The following TTC21A variants were observed in gnomAD, a reference collection of about 807,000 sequenced individuals.
The protein encoded by TTC21A is tetratricopeptide repeat protein 21A.
Under a neutral mutation model 156.4 loss-of-function variants are expected in TTC21A, and 128 were observed. The ratio of observed to expected loss-of-function variants is 0.82; its 90% CI spans 0.71 to 0.95. The LOEUF is 0.95. Ranked by LOEUF, TTC21A falls within the 40% of genes least tolerant of loss-of-function variation. The pLI, the probability that TTC21A is intolerant of heterozygous loss-of-function variation, is 0.00. For missense variants in TTC21A, 1,435 were observed against 1,602.3 expected (o/e 0.90, Z 1.78); for synonymous variants, 587 against 617.1 (o/e 0.95, Z 0.72).
intron 8 of TTC21A, 43 bp from the exon 9 acceptor site, chr3:39,120,954 G>A (rs763683558): frequency 2.6e-6 from 4 of 1,547,920 alleles, no homozygotes; most frequent in Admixed American, 3.6e-5. Flanking sequence ...CATACAGGCT[G>A]GACTGACTGG....
chr3:39,118,193 G>T, intron 7 of TTC21A, 40 bp downstream of exon 7: 2 of 1,597,454 alleles, frequency 1.3e-6, no homozygotes, highest in Non-Finnish European at 1.7e-6. Flanking sequence ...CCTTGAAACA[G>T]AATCAAGGAG....
At chr3:39,138,445 G>C in intron 27 of TTC21A, 58 bp downstream of exon 27, 1 of 1,613,178 alleles carries the variant, frequency 6.2e-7, no homozygotes, top group African/African-American at 1.3e-5. Flanking sequence ...GGGCAGGAGG[G>C]CCCCCACCAT....
At chr3:39,115,234 G>A (rs1559675203) in intron 6 of TTC21A, among the ~76,000 whole-genome samples, 1 of 152,162 alleles carries the variant, frequency 6.6e-6, no homozygotes, top group Non-Finnish European at 1.5e-5. Context: ...GCAGATTTCA[G>A]GAGTTATTGG....
chr3:39,124,673 A>AAAAAAAAAAAAAAAAAAAAAAAT (rs2038068514), intron 9 of TTC21A, among the ~76,000 whole-genome samples: 1 of 150,408 alleles, frequency 6.6e-6, no homozygotes. Context: ...AAAAAAAAAA[A>AAAAAAAAAAAAAAAAAAAAAAAT]GCAGATTGTA....
At position 39,110,008 on chromosome 3, in the gene TTC21A, CTA is replaced by C. The variant is rs745370904; in HGVS notation, c.158-19_158-18del. ...CTAGTCCTGGAGCTTGAGAGTATAA[CTA>C]TGTGGACTGTCTTTGCAGAGCACAT... On this transcript the variant is annotated intron_variant, in intron 2 of 28. Coordinates refer to ENST00000683103, the MANE Select transcript of TTC21A (RefSeq NM_001366900.1). 4.4e-6 allele frequency: 7 copies of C among 1,577,908 alleles called. No individual in the cohort carries two copies. The Admixed American group carries it at 6.7e-5, about 15-fold the overall frequency.
Position 39,128,744 on chromosome 3 carries a change from A to G in TTC21A, c.1708A>G (p.Ile570Val), listed in dbSNP as rs772772379. The change falls in exon 14 of 29, where the codon ATC becomes GTC. Residue 570 changes from isoleucine (I) to valine (V), a missense_variant. Ile to Val is a conservative substitution (Grantham distance 29). Transcript: ENST00000683103. Reference sequence around the variant, plus strand: ...CCGAGATCACCCCCTCTACCACCTCATCAAGGCCAGGGCCCTCAACAAGGC... The same window carrying G: ...CCGAGATCACCCCCTCTACCACCTCGTCAAGGCCAGGGCCCTCAACAAGGC... ...QVRDHPLYHL[I>V]KARALNKAGD... 3.1e-6 allele frequency: 5 copies of G among 1,613,976 alleles called. No homozygotes were observed. In the African/African-American group the frequency reaches 6.7e-5, roughly 22 times the overall value.
intron 6 of TTC21A, 89 bp downstream of exon 6, chr3:39,114,831 G>A (rs2037141980): frequency 6.7e-7 from 1 of 1,495,722 alleles, no homozygotes; most frequent in Admixed American, 1.8e-5. Context: ...AGACAGAAAG[G>A]TAAATATCGC....
intron 9 of TTC21A, 126 bp downstream of exon 9, chr3:39,121,315 T>C (rs2037750911): frequency 1.3e-6 from 1 of 772,400 alleles, no homozygotes; most frequent in Non-Finnish European, 2.1e-6. Context: ...TGGGGTACAA[T>C]GTATGATGGG....
At chr3:39,116,863 T>C (rs1468029742) in intron 6 of TTC21A, among the ~76,000 whole-genome samples, 1 of 152,212 alleles carries the variant, frequency 6.6e-6, no homozygotes, top group Non-Finnish European at 1.5e-5. Flanking sequence ...TTTTAGTTTT[T>C]AGTTTTATTT....
chr3:39,120,944 C>A, intron 8 of TTC21A, 53 bp from the exon 9 acceptor site: 1 of 1,491,968 alleles, frequency 6.7e-7, no homozygotes, highest in South Asian at 1.3e-5. Flanking sequence ...TGACCTTGCT[C>A]ATACAGGCTG....
At chr3:39,136,285 A>C in intron 22 of TTC21A, 72 bp from the exon 23 acceptor site, 2 of 1,530,180 alleles carry the variant, frequency 1.3e-6, no homozygotes, top group African/African-American at 1.4e-5. Flanking sequence ...GGCTTCTCCT[A>C]GGGCCCCAGC....
At chr3:39,112,396 G>A (rs2036910206) in intron 4 of TTC21A, 62 bp from the exon 5 acceptor site, 9 of 1,579,090 alleles carry the variant, frequency 5.7e-6, no homozygotes, top group African/African-American at 5.4e-5. Context: ...TGGATCATGT[G>A]CAGGCTGAGT....
chr3:39,111,283 C>T (rs547751769), intron 4 of TTC21A, among the ~76,000 whole-genome samples: 4 of 152,170 alleles, frequency 2.6e-5, no homozygotes, highest in Admixed American at 6.5e-5. Context: ...TTTTTTGAGA[C>T]CTCACTGCAG....
At position 39,125,546 on chromosome 3, in the gene TTC21A, C is replaced by T; in HGVS notation, c.1392+14C>T. 6.3e-7 allele frequency: 1 copy of T among 1,586,030 alleles called. No homozygotes were observed. Among genetic ancestry groups the T allele is most frequent in the Non-Finnish European group, 8.7e-7 (1 of 1,154,596 alleles). On this transcript the variant is annotated intron_variant, in intron 11 of 28. Coordinates refer to ENST00000683103, the MANE Select transcript of TTC21A (RefSeq NM_001366900.1). ...TGCCCCAAGCAGGTTAGGGGAAGGC[C>T]TGTCTTCATGGTGGGGGTCTGGAGT...
chr3:39,127,093 TC>T (rs902180067), intron 12 of TTC21A, among the ~76,000 whole-genome samples: 63 of 152,132 alleles, frequency 4.1e-4, no homozygotes, highest in African/African-American at 1.3e-3. Context: ...TTTCACCTTC[TC>T]CCTTCTCAAG....
In TTC21A at chr3:39,131,112, C is replaced by T. The variant is rs371366533; in HGVS notation, c.2562+17C>T. On this transcript the variant is annotated intron_variant, in intron 19 of 28. Transcript: ENST00000683103. ...TTGAACAAGGTAATTGACAGGTGGACTCAAGCTCTTTATCTGCCATCTGCT... is the reference window on the plus strand; with the variant it reads ...TTGAACAAGGTAATTGACAGGTGGATTCAAGCTCTTTATCTGCCATCTGCT... The T allele has an allele frequency of 3.8e-6, 6 of 1,591,440 alleles. No individual in the cohort carries two copies. The African/African-American group carries it at 8.0e-5, about 21-fold the overall frequency.
At chr3:39,135,970 A>T (rs1418965139) in intron 22 of TTC21A, among the ~76,000 whole-genome samples, 2 of 151,688 alleles carry the variant, frequency 1.3e-5, no homozygotes, top group East Asian at 1.9e-4. Flanking sequence ...AGGCAGGAAA[A>T]TGGCATGAAC....
Position 39,112,588 on chromosome 3 carries a change from G to A in TTC21A, c.558+8G>A, listed in dbSNP as rs1325682135. The A allele has an allele frequency of 8.1e-6, 13 of 1,613,784 alleles. No individual in the cohort carries two copies. The highest frequency in any genetic ancestry group is 1.0e-5 in the Non-Finnish European group (12 of 1,179,908). Reference sequence around the variant, plus strand: ...CTGGGGCTGATGGGAAAGGTGGGCAGTGGAAAAGGGAGAGGTGGAAGTATT... The same window carrying A: ...CTGGGGCTGATGGGAAAGGTGGGCAATGGAAAAGGGAGAGGTGGAAGTATT... On this transcript the variant is annotated splice_region_variant and intron_variant, in intron 5 of 28. Coordinates refer to ENST00000683103, the MANE Select transcript of TTC21A (RefSeq NM_001366900.1).
intron 22 of TTC21A, 37 bp from the exon 23 acceptor site, chr3:39,136,320 G>C (rs536480307): frequency 6.3e-7 from 1 of 1,592,558 alleles, no homozygotes; most frequent in African/African-American, 1.3e-5. Flanking sequence ...ACAGCTACTG[G>C]GCATTTCAGC....
Sources: gnomAD v4.1 joint callset for allele counts (sites outside exome capture counted in the v4.1 genomes callset) on GRCh38, gnomAD v4.1.1 for gene constraint, MANE v1.5 for transcripts, NCBI Gene and HGNC (gene_info 2026-07-23, HGNC 2026-07-21) for gene names.